MAMDC2: variants seen among roughly 807,000 people sequenced by gnomAD.
The protein encoded by MAMDC2 is MAM domain-containing protein 2.
A neutral mutation model predicts 89.8 loss-of-function variants in MAMDC2; 57 were observed. That is an observed-to-expected ratio of 0.63 (90% confidence interval 0.51 to 0.79). The LOEUF (loss-of-function observed/expected upper bound fraction) is 0.79, where lower values mean the gene tolerates loss of function less well. MAMDC2 is among the 30% of genes least tolerant of loss of function. MAMDC2 has a pLI of 0.00. For synonymous variants in MAMDC2, 313 were observed against 293.4 expected, an observed-to-expected ratio of 1.07 and a Z score of -0.68; for missense variants, 800 against 820.6, an observed-to-expected ratio of 0.97 and a Z score of 0.31.
intron 7 of MAMDC2, among the ~76,000 whole-genome samples, chr9:70,132,694 T>G (rs1288815183): frequency 6.6e-6 from 1 of 151,940 alleles, no homozygotes; most frequent in African/African-American, 2.4e-5. Flanking sequence ...GTTTTTTTGG[T>G]TTTTATTTTA....
At chr9:70,130,341 A>G (rs183347913) in intron 6 of MAMDC2, among the ~76,000 whole-genome samples, 123 of 152,234 alleles carry the variant, frequency 8.1e-4, no homozygotes, top group Admixed American at 1.6e-3. Flanking sequence ...CTATTTCACA[A>G]GAGGCTGCAC....
rs1359970055 is a variant in MAMDC2 at position 70,131,548 on chromosome 9, C to G, written c.930C>G (p.Pro310=). The change falls in exon 7 of 14, where the codon CCC becomes CCG. Residue 310 remains proline (P), a synonymous_variant. Transcript: ENST00000377182. ...EVIFEVAFNG[P]KGGYVALDDI... ...TTTTTGAAGTTGCTTTCAATGGTCC[C>G]AAGGGAGGTTATGTTGCCCTGGATG... 2 of 1,608,588 alleles carry G rather than the reference C, an allele frequency of 1.2e-6. No homozygotes were observed. The highest frequency in any genetic ancestry group is 2.2e-5 in the South Asian group (2 of 89,552).
At chr9:70,075,622 T>C (rs1215963645) in intron 2 of MAMDC2, among the ~76,000 whole-genome samples, 1 of 152,174 alleles carries the variant, frequency 6.6e-6, no homozygotes, top group African/African-American at 2.4e-5. Flanking sequence ...AGCAACAGTT[T>C]ACAACCCAAT....
At chr9:70,086,435 G>A (rs1245857098) in intron 2 of MAMDC2, 4 of 152,116 alleles carry the variant, frequency 2.6e-5, no homozygotes, top group African/African-American at 9.7e-5. Flanking sequence ...ACTGTCTTGA[G>A]GAGAAACAAA....
Position 70,143,811 on chromosome 9 carries a change from C to A in MAMDC2, c.1396C>A (p.Pro466Thr), listed in dbSNP as rs1175026059. 5.8e-5 allele frequency: 94 copies of A among 1,613,736 alleles called. No individual in the cohort carries two copies. The highest frequency in any genetic ancestry group is 7.9e-5 in the Non-Finnish European group (93 of 1,179,810). ...QAEITFKKPM[P>T]TKVVFMSLCK... ...TGAAATCACCTTTAAGAAGCCCATGCCTACCAAGGTACAGCAGAGCCAATT... is the reference window on the plus strand; with the variant it reads ...TGAAATCACCTTTAAGAAGCCCATGACTACCAAGGTACAGCAGAGCCAATT... The change falls in exon 9 of 14, where the codon CCT (proline) becomes ACT (threonine). Residue 466 changes from proline (P) to threonine (T), a missense_variant. Physicochemically the swap from Pro to Thr is conservative, Grantham distance 38. Transcript: ENST00000377182.
chr9:70,126,845 A>G (rs2030576112), intron 6 of MAMDC2, among the ~76,000 whole-genome samples: 1 of 150,426 alleles, frequency 6.6e-6, no homozygotes, highest in South Asian at 2.1e-4. Context: ...TTTTTTTTAG[A>G]AAAAGTGACT....
At chr9:70,211,780 T>C (rs2033358797) in intron 11 of MAMDC2, among the ~76,000 whole-genome samples, 1 of 152,220 alleles carries the variant, frequency 6.6e-6, no homozygotes, top group Non-Finnish European at 1.5e-5. Context: ...TGGTCTTTGA[T>C]GATGGTAACG....
intron 11 of MAMDC2, among the ~76,000 whole-genome samples, chr9:70,181,233 C>A (rs1441478100): frequency 6.6e-6 from 1 of 152,174 alleles, no homozygotes; most frequent in Non-Finnish European, 1.5e-5. Context: ...GCACCAGTAC[C>A]ATGCTGTTTT....
At position 70,143,640 on chromosome 9, in the gene MAMDC2, C is replaced by G; in HGVS notation, c.1225C>G (p.Gln409Glu). 6.2e-7 allele frequency: 1 copy of G among 1,614,160 alleles called. No homozygotes were observed. Among genetic ancestry groups the G allele is most frequent in the Admixed American group, 1.7e-5 (1 of 60,026 alleles). Residue 409 changes from glutamine to glutamate, a missense_variant, in exon 9 of 14, where the codon CAG becomes GAG. By Grantham distance (29) the Gln-to-Glu change is conservative (BLOSUM62 2). Transcript: ENST00000377182. ...TGGGCCCTCCCTACCAGGAAACTTGCAGTATTGTCTGCGTTTTCATTATGC... is the reference window on the plus strand; with the variant it reads ...TGGGCCCTCCCTACCAGGAAACTTGGAGTATTGTCTGCGTTTTCATTATGC... ...LYGPSLPGNL[Q>E]YCLRFHYAIY...
intron 11 of MAMDC2, among the ~76,000 whole-genome samples, chr9:70,180,363 C>A (rs1170197529): frequency 6.6e-6 from 1 of 152,116 alleles, no homozygotes; most frequent in Non-Finnish European, 1.5e-5. Flanking sequence ...ATTTATAATC[C>A]TTTGGGTATA....
intron 9 of MAMDC2, among the ~76,000 whole-genome samples, chr9:70,163,287 G>A (rs758393982): frequency 6.7e-6 from 1 of 148,368 alleles, no homozygotes; most frequent in Non-Finnish European, 1.5e-5. Flanking sequence ...GGAGTGAAGT[G>A]GCACCATCTT....
intron 2 of MAMDC2, among the ~76,000 whole-genome samples, chr9:70,075,583 CATTT>C (rs1827512324): frequency 6.6e-6 from 1 of 152,178 alleles, no homozygotes; most frequent in African/African-American, 2.4e-5. Flanking sequence ...AGGAAACAGA[CATTT>C]ATATTAGCAC....
In MAMDC2 at chr9:70,057,913, C is replaced by A. The variant is rs556157468; in HGVS notation, c.148+13216C>A. On this transcript the variant is annotated intron_variant, in intron 2 of 13. Transcript: ENST00000377182. ...TGCAGAAGGACTTGCCATCCAGGTG[C>A]CCTCAGCTGGGAGCTAAGGGTGATG... 2.6e-5 allele frequency among the ~76,000 whole-genome samples: 4 copies of A among 152,250 alleles called. No individual in the cohort carries two copies. The South Asian group carries it at 8.3e-4, about 32-fold the overall frequency.
chr9:70,090,208 C>T (rs1446382380), intron 2 of MAMDC2, among the ~76,000 whole-genome samples: 1 of 152,042 alleles, frequency 6.6e-6, no homozygotes, highest in African/African-American at 2.4e-5. Flanking sequence ...CATGGTGGCT[C>T]ACACCTGTAA....
chr9:70,149,347 A>G (rs550058337), intron 9 of MAMDC2, among the ~76,000 whole-genome samples: 36 of 152,222 alleles, frequency 2.4e-4, no homozygotes, highest in African/African-American at 8.4e-4. Flanking sequence ...TCTTGGGATC[A>G]CCACTGAAGG....
chr9:70,070,974 T>C (rs901447044), intron 2 of MAMDC2, among the ~76,000 whole-genome samples: 2 of 152,230 alleles, frequency 1.3e-5, no homozygotes, highest in Non-Finnish European at 2.9e-5. Flanking sequence ...AATTAAATAT[T>C]TGCATATCAA....
intron 11 of MAMDC2, among the ~76,000 whole-genome samples, chr9:70,210,193 T>C (rs890334347): frequency 6.6e-6 from 1 of 152,204 alleles, no homozygotes; most frequent in Non-Finnish European, 1.5e-5. Context: ...ATATCCTTGT[T>C]AACTTTCTGT....
intron 7 of MAMDC2, among the ~76,000 whole-genome samples, chr9:70,136,421 G>C (rs1018982576): frequency 6.6e-6 from 1 of 152,182 alleles, no homozygotes; most frequent in African/African-American, 2.4e-5. Context: ...ATGTACCACA[G>C]TTTATGTATC....
chr9:70,119,315 A>G (rs1353818907), intron 5 of MAMDC2, among the ~76,000 whole-genome samples: 1 of 152,214 alleles, frequency 6.6e-6, no homozygotes, highest in East Asian at 1.9e-4. Flanking sequence ...ATCTAAAATA[A>G]GGTTAGAGTT....
Sources: allele counts gnomAD v4.1 joint callset (sites outside exome capture counted in the v4.1 genomes callset), GRCh38; gene constraint gnomAD v4.1.1; transcripts MANE v1.5; gene names NCBI Gene and HGNC (gene_info 2026-07-23, HGNC 2026-07-21).